ASTN2: variants seen among roughly 807,000 people sequenced by gnomAD.
ASTN2 encodes the protein astrotactin 2.
Under a neutral mutation model 139.8 loss-of-function variants are expected in ASTN2, and 54 were observed. The observed-to-expected ratio is 0.39, with a 90% confidence interval of 0.31 to 0.48. The LOEUF (loss-of-function observed/expected upper bound fraction) is 0.48. Ranked by LOEUF, ASTN2 falls within the 20% of genes least tolerant of loss-of-function variation. The pLI, the probability that ASTN2 is intolerant of heterozygous loss-of-function variation, is 0.95. For synonymous variants in ASTN2, 756 were observed against 719.5 expected, an observed-to-expected ratio of 1.05 and a Z score of -0.81; for missense variants, 1,565 against 1,725.1, an observed-to-expected ratio of 0.91 and a Z score of 1.64.
At chr9:116,844,527 C>T (rs937354525) in intron 11 of ASTN2, among the ~76,000 whole-genome samples, 6 of 151,672 alleles carry the variant, frequency 4.0e-5, no homozygotes, top group African/African-American at 1.2e-4. Context: ...CCAGTCACTT[C>T]GTTAACATTT....
intron 3 of ASTN2, among the ~76,000 whole-genome samples, chr9:117,186,652 A>G (rs1475024216): frequency 6.6e-6 from 1 of 152,232 alleles, no homozygotes; most frequent in African/African-American, 2.4e-5. Context: ...GAATTAAGGC[A>G]TTTAGGTAAG....
At chr9:116,459,728 G>A (rs988193079) in intron 20 of ASTN2, among the ~76,000 whole-genome samples, 3 of 151,880 alleles carry the variant, frequency 2.0e-5, no homozygotes, top group African/African-American at 4.8e-5. Flanking sequence ...CTAAAATAGC[G>A]ATAGTCAAAA....
intron 19 of ASTN2, among the ~76,000 whole-genome samples, chr9:116,543,006 T>C (rs891962110): frequency 3.3e-5 from 5 of 152,168 alleles, no homozygotes; most frequent in African/African-American, 9.6e-5. Flanking sequence ...AAAAAAATCA[T>C]ATAGTATCTT....
intron 19 of ASTN2, among the ~76,000 whole-genome samples, chr9:116,509,809 T>A (rs1177749270): frequency 6.6e-6 from 1 of 152,232 alleles, no homozygotes; most frequent in Admixed American, 6.5e-5. Context: ...AATGTCTTCT[T>A]TCAAGAAGTG....
Position 116,530,094 on chromosome 9 carries a change from GATATAT to G in ASTN2, c.3356-42600_3356-42595del, listed in dbSNP as rs3984942. On this transcript the variant is annotated intron_variant, in intron 19 of 22. Coordinates refer to ENST00000313400, the MANE Select transcript of ASTN2 (RefSeq NM_001365068.1). Reference sequence around the variant, plus strand: ...ATCAGTGGATGAATGGATAAAGTGTGATATATATATATATATATATATATATATATA... The same window carrying G: ...ATCAGTGGATGAATGGATAAAGTGTGATATATATATATATATATATATATA... Among the ~76,000 whole-genome samples the G allele has an allele frequency of 7.0e-3, 353 of 50,748 alleles. 5 individuals are homozygous for G. Among genetic ancestry groups the G allele is most frequent in the Middle Eastern group, 0.022 (2 of 90 alleles). The allele number at this position is 50,748 out of a possible 152,430, so 33.3% of individuals were successfully genotyped here.
intron 10 of ASTN2, among the ~76,000 whole-genome samples, chr9:116,875,284 G>A (rs1239021518): frequency 6.6e-6 from 1 of 152,188 alleles, no homozygotes; most frequent in Non-Finnish European, 1.5e-5. Flanking sequence ...CTTTATTTCT[G>A]TTATGGAGAA....
intron 10 of ASTN2, among the ~76,000 whole-genome samples, chr9:116,966,782 T>C (rs1412872951): frequency 6.6e-6 from 1 of 150,698 alleles, no homozygotes; most frequent in Non-Finnish European, 1.5e-5. Flanking sequence ...AGCTGTGAGT[T>C]ACCCACACTC....
At chr9:117,028,122 C>T (rs1304419977) in intron 6 of ASTN2, among the ~76,000 whole-genome samples, 1 of 152,136 alleles carries the variant, frequency 6.6e-6, no homozygotes, top group Non-Finnish European at 1.5e-5. Flanking sequence ...TGAGCAGGCA[C>T]TCAGCAAATG....
At chr9:117,406,755 G>A (rs971460375) in intron 1 of ASTN2, among the ~76,000 whole-genome samples, 5 of 151,406 alleles carry the variant, frequency 3.3e-5, no homozygotes, top group Admixed American at 6.6e-5. Flanking sequence ...CAGAACTCTC[G>A]ATTCTCTTTT....
At chr9:116,609,280 T>C (rs1422987364) in intron 19 of ASTN2, among the ~76,000 whole-genome samples, 2 of 143,788 alleles carry the variant, frequency 1.4e-5, no homozygotes, top group Non-Finnish European at 3.0e-5. Flanking sequence ...AAGCTTAGAA[T>C]CAGTCAGAAA....
Position 116,425,562 on chromosome 9 carries a change from G to A in ASTN2, c.*289C>T, listed in dbSNP as rs1334361249. 6.2e-7 allele frequency: 1 copy of A among 1,613,006 alleles called. No individual in the cohort carries two copies. The highest frequency in any genetic ancestry group is 8.5e-7 in the Non-Finnish European group (1 of 1,179,664). ...TCTCCACCTGAAAACTTCTGCCTCG[G>A]GATTGACAGCCATCCATAAGAAAAG... On this transcript the variant is annotated 3_prime_UTR_variant, in exon 23 of 23. Coordinates refer to ENST00000313400, the MANE Select transcript of ASTN2 (RefSeq NM_001365068.1).
At position 116,651,811 on chromosome 9, in the gene ASTN2, A is replaced by C. The variant is rs755095680; in HGVS notation, c.2807-18T>G. On this transcript the variant is annotated intron_variant, in intron 16 of 22. Transcript: ENST00000313400. ...TGTGGTCTCTGGAGAGGCACAAGACAGGAAGAGCGAAAGGTAAACTCAGGA... is the reference window on the plus strand; with the variant it reads ...TGTGGTCTCTGGAGAGGCACAAGACCGGAAGAGCGAAAGGTAAACTCAGGA... 17 of 1,607,550 alleles carry C rather than the reference A, an allele frequency of 1.1e-5. No individual in the cohort carries two copies. Among genetic ancestry groups the C allele is most frequent in the Non-Finnish European group, 1.4e-5 (16 of 1,175,010 alleles).
At chr9:116,602,512 CTATATTA>C (rs1205599827) in intron 19 of ASTN2, among the ~76,000 whole-genome samples, 7 of 152,020 alleles carry the variant, frequency 4.6e-5, no homozygotes, top group African/African-American at 1.7e-4. Context: ...AGGACATCTC[CTATATTA>C]TATCAGGAGG....
chr9:116,804,789 T>C (rs1275379865), intron 13 of ASTN2, among the ~76,000 whole-genome samples: 1 of 152,150 alleles, frequency 6.6e-6, no homozygotes, highest in Non-Finnish European at 1.5e-5. Flanking sequence ...TGCTTTGTGA[T>C]AATATCTTTT....
At chr9:116,779,855 G>T (rs181272678) in intron 13 of ASTN2, among the ~76,000 whole-genome samples, 3 of 151,786 alleles carry the variant, frequency 2.0e-5, no homozygotes, top group East Asian at 1.9e-4. Flanking sequence ...ATTCCCCCCT[G>T]GTCTCAGCCT....
intron 10 of ASTN2, among the ~76,000 whole-genome samples, chr9:116,902,066 G>A (rs1409430137): frequency 6.6e-6 from 1 of 152,052 alleles, no homozygotes; most frequent in Non-Finnish European, 1.5e-5. Flanking sequence ...AATATAAAAT[G>A]AAATAAAATA....
At chr9:117,411,165 G>A (rs1242240008) in intron 1 of ASTN2, among the ~76,000 whole-genome samples, 1 of 152,120 alleles carries the variant, frequency 6.6e-6, no homozygotes, top group East Asian at 1.9e-4. Context: ...GCAAATGGGA[G>A]TAACAGTAGA....
rs557656448 is a variant in ASTN2 at position 116,597,297 on chromosome 9, C to T, written c.3355+21027G>A. ...TACAAAATATTCCATGACTTTTGAT[C>T]TATTTTTTTTTTTTTTTTTTTTTTT... On this transcript the variant is annotated intron_variant, in intron 19 of 22. Coordinates refer to ENST00000313400, the MANE Select transcript of ASTN2 (RefSeq NM_001365068.1). Among the ~76,000 whole-genome samples the T allele has an allele frequency of 2.7e-3, 154 of 56,336 alleles. 5 individuals carry two copies. The highest frequency in any genetic ancestry group is 0.012 in the South Asian group (12 of 984). 37.0% of individuals were successfully genotyped at this position (56,336 alleles called of 152,430 possible).
intron 3 of ASTN2, among the ~76,000 whole-genome samples, chr9:117,157,126 C>G (rs546136547): frequency 9.9e-5 from 15 of 152,072 alleles, no homozygotes; most frequent in Non-Finnish European, 2.1e-4. Flanking sequence ...TGGCAAGTTT[C>G]CACTGGTTTG....
Sources: allele counts gnomAD v4.1 joint callset (sites outside exome capture counted in the v4.1 genomes callset), GRCh38; gene constraint gnomAD v4.1.1; transcripts MANE v1.5; gene names NCBI Gene and HGNC (gene_info 2026-07-23, HGNC 2026-07-21).